TP53I3: variants seen among roughly 807,000 people sequenced by gnomAD.
TP53I3 encodes tumor protein p53 inducible protein 3.
In TP53I3, 32 loss-of-function variants were observed where a neutral mutation model predicts 27.7. That is an observed-to-expected ratio of 1.16 (90% CI 0.87 to 1.55). The LOEUF is 1.55. Ranked by LOEUF, TP53I3 falls within the 40% of genes most tolerant of loss-of-function variation. TP53I3 has a pLI of 0.00. For missense variants in TP53I3, 372 were observed against 412.3 expected, an observed-to-expected ratio of 0.90 and a Z score of 0.85; for synonymous variants, 138 against 167.8, an observed-to-expected ratio of 0.82 and a Z score of 1.37.
rs1665067464 is a variant in TP53I3, at chr2:24,082,894, G to A, written c.397C>T (p.His133Tyr). The change falls in exon 2 of 5, where the codon CAT becomes TAT. Residue 133 changes from histidine (H) to tyrosine (Y), a missense_variant. His to Tyr is a moderately conservative substitution (Grantham distance 83). Coordinates refer to ENST00000238721, the MANE Select transcript of TP53I3 (RefSeq NM_004881.5). ...ATGGAGGCCTCCTCACCCACAAGAT[G>A]TAACAGCTGGAAGGCGGTGAGCCAG... ...EAWLTAFQLLHLVGNVQAGDY... is the reference protein window; with the variant it reads ...EAWLTAFQLLYLVGNVQAGDY... 3 of 1,606,274 alleles carry A rather than the reference G, an allele frequency of 1.9e-6. No homozygotes were observed. Among genetic ancestry groups the A allele is most frequent in the South Asian group, 1.1e-5 (1 of 90,722 alleles).
intron 2 of TP53I3, among the ~76,000 whole-genome samples, chr2:24,081,844 C>A (rs957624161): frequency 2.0e-5 from 3 of 151,924 alleles, no homozygotes; most frequent in African/African-American, 4.8e-5. Flanking sequence ...TACAGGTGCC[C>A]ACCACCACGC....
rs963958745 is a variant in TP53I3, at chr2:24,081,047, C to T, written c.407-16G>A. Reference sequence around the variant, plus strand: ...TGAACATTTCCTGTGACAGAAAGTACAGGGTTCTCTTTACTTTGCAACTGC... The same window carrying T: ...TGAACATTTCCTGTGACAGAAAGTATAGGGTTCTCTTTACTTTGCAACTGC... On this transcript the variant is annotated splice_polypyrimidine_tract_variant and intron_variant, in intron 2 of 4. Coordinates refer to ENST00000238721, the MANE Select transcript of TP53I3 (RefSeq NM_004881.5). 1 of 1,606,490 alleles carries T rather than the reference C, an allele frequency of 6.2e-7. No homozygotes were observed.
rs953014257 is a variant in TP53I3, at chr2:24,084,400, G to GCAGGGCAGGGCAGGA, written c.-75_-74insTCCTGCCCTGCCCTG. The stretch of plus-strand genomic sequence containing the variant: ...GCAGGGCAGGACAGGACAGGGCAGG[G>GCAGGGCAGGGCAGGA]CAGGACAGGACAGGGCAGGGGCCGC... On this transcript the variant is annotated 5_prime_UTR_variant, in exon 1 of 5. Transcript: ENST00000238721. The surrounding 1 kb of genome is among the most constrained non-coding windows in gnomAD (Gnocchi z 8.4). 11 of 1,478,672 alleles carry GCAGGGCAGGGCAGGA rather than the reference G, an allele frequency of 7.4e-6. 1 individual carries two copies. The East Asian group carries it at 1.5e-4, about 20-fold the overall frequency. The allele number at this position is 1,478,672 out of a possible 1,614,324, so 91.6% of individuals were successfully genotyped here. A position where few individuals can be genotyped will look rare whatever the true frequency, so the allele number is the denominator to read the frequency against.
At position 24,077,831 on chromosome 2, in the gene TP53I3, C is replaced by T; in HGVS notation, c.817-70G>A. ...ACCCTGCCCTCCTCATCCTCCTCAG[C>T]CTTCTTGCTCTCTCTGAAGCCACGT... is the stretch of plus-strand genomic sequence containing the variant. On this transcript the variant is annotated intron_variant, in intron 4 of 4. Coordinates refer to ENST00000238721, the MANE Select transcript of TP53I3 (RefSeq NM_004881.5). This position sits in a 1 kb window ranked among gnomAD's most constrained non-coding sequence, Gnocchi z 5.5. The T allele has an allele frequency of 6.6e-7, 1 of 1,520,828 alleles. No homozygotes were observed. Among genetic ancestry groups the T allele is most frequent in the South Asian group, 1.3e-5 (1 of 79,830 alleles). The allele number at this position is 1,520,828 out of a possible 1,614,324, so 94.2% of individuals were successfully genotyped here.
At position 24,079,299 on chromosome 2, in the gene TP53I3, G is replaced by C. The variant is rs189979902; in HGVS notation, c.816+145C>G. On this transcript the variant is annotated intron_variant, in intron 4 of 4. Coordinates refer to ENST00000238721, the MANE Select transcript of TP53I3 (RefSeq NM_004881.5). ...ATCTGAATCAGTTCTCTGAAATCGG[G>C]TTCCCTCTTTATCTTCAGAGGGGGA... is the stretch of plus-strand genomic sequence containing the variant. The C allele has an allele frequency of 1.1e-5, 9 of 796,522 alleles. No homozygotes were observed. The Admixed American group carries it at 2.0e-4, about 18-fold the overall frequency. 49.3% of individuals were successfully genotyped at this position (796,522 alleles called of 1,614,324 possible). A position where few individuals can be genotyped will look rare whatever the true frequency, so the allele number is the denominator to read the frequency against.
chr2:24,080,253 G>C lies in TP53I3; in HGVS notation c.619+566C>G, dbSNP rs372730847. 6.6e-6 allele frequency among the ~76,000 whole-genome samples: 1 copy of C among 151,996 alleles called. No individual in the cohort carries two copies. The highest frequency in any genetic ancestry group is 1.5e-5 in the Non-Finnish European group (1 of 68,010). On this transcript the variant is annotated intron_variant, in intron 3 of 4. Transcript: ENST00000238721. The surrounding 1 kb of genome is among the most constrained non-coding windows in gnomAD (Gnocchi z 4.7). Reference sequence around the variant, plus strand: ...GCCTGTGATCTCAGCTACTCAGGAGGCTAAGGCTGGAGAATCACTTGAACC... The same window carrying C: ...GCCTGTGATCTCAGCTACTCAGGAGCCTAAGGCTGGAGAATCACTTGAACC...
intron 4 of TP53I3, among the ~76,000 whole-genome samples, chr2:24,078,469 C>T (rs1003810846): frequency 7.6e-6 from 1 of 132,450 alleles, no homozygotes; most frequent in Non-Finnish European, 1.6e-5. Context: ...CAGAGTAAGA[C>T]CCTGTCTCCA....
chr2:24,081,750 G>A (rs1307427800), intron 2 of TP53I3, among the ~76,000 whole-genome samples: 6 of 145,962 alleles, frequency 4.1e-5, no homozygotes, highest in Non-Finnish European at 6.0e-5. Context: ...GTGCAGTGGC[G>A]CAATCTTGGC....
intron 2 of TP53I3, 135 bp downstream of exon 2, chr2:24,082,750 A>G (rs1234235796): frequency 1.6e-6 from 2 of 1,239,412 alleles, no homozygotes; most frequent in East Asian, 2.6e-5. Flanking sequence ...CCCTTCTAAC[A>G]TGGTTTGAGG....
intron 2 of TP53I3, 91 bp from the exon 3 acceptor site, chr2:24,081,122 AC>A: frequency 2.0e-6 from 2 of 1,022,554 alleles, no homozygotes. Flanking sequence ...TGGCCGTTGC[AC>A]CAAATGCCAA....
intron 4 of TP53I3, chr2:24,079,205 A>T: frequency 1.9e-6 from 1 of 515,112 alleles, no homozygotes; most frequent in South Asian, 2.8e-5. Flanking sequence ...TCATTCTGTT[A>T]GAATGTTCAG....
At position 24,080,721 on chromosome 2, in the gene TP53I3, G is replaced by T; in HGVS notation, c.619+98C>A. ...GGGCAGCTGTTGTGCACTTAGCAGA[G>T]GTAAGACTGATACACAGCACTGGCA... On this transcript the variant is annotated intron_variant, in intron 3 of 4. Transcript: ENST00000238721. This position sits in a 1 kb window ranked among gnomAD's most constrained non-coding sequence, Gnocchi z 4.7. The T allele has an allele frequency of 6.8e-7, 1 of 1,459,936 alleles. No individual in the cohort carries two copies. The highest frequency in any genetic ancestry group is 9.5e-7 in the Non-Finnish European group (1 of 1,049,532). The allele number at this position is 1,459,936 out of a possible 1,614,324, so 90.4% of individuals were successfully genotyped here. A position where few individuals can be genotyped will look rare whatever the true frequency, so the allele number is the denominator to read the frequency against.
At position 24,077,905 on chromosome 2, in the gene TP53I3, G is replaced by A. The variant is rs1053119550; in HGVS notation, c.817-144C>T. 3.3e-5 allele frequency: 27 copies of A among 809,234 alleles called. No homozygotes were observed. Among genetic ancestry groups the A allele is most frequent in the African/African-American group, 6.9e-5 (4 of 57,988 alleles). The allele number at this position is 809,234 out of a possible 1,614,324, so 50.1% of individuals were successfully genotyped here. A position where few individuals can be genotyped will look rare whatever the true frequency, so the allele number is the denominator to read the frequency against. ...CTTAACCCCTCACTTCCTAGCATGT[G>A]TGTGAAATACCCTTGAAGGAGTCAT... On this transcript the variant is annotated intron_variant, in intron 4 of 4. Coordinates refer to ENST00000238721, the MANE Select transcript of TP53I3 (RefSeq NM_004881.5). The surrounding 1 kb of genome is among the most constrained non-coding windows in gnomAD (Gnocchi z 5.5).
intron 4 of TP53I3, chr2:24,078,813 T>C (rs932531714): frequency 6.6e-6 from 1 of 152,436 alleles, no homozygotes; most frequent in African/African-American, 2.4e-5. Context: ...CAAAACCCTA[T>C]GGTGGAAACA....
chr2:24,078,810 C>T (rs892760629), intron 4 of TP53I3: 1 of 152,486 alleles, frequency 6.6e-6, no homozygotes, highest in Non-Finnish European at 1.5e-5. Flanking sequence ...GTGCAAAACC[C>T]TATGGTGGAA....
In TP53I3 at chr2:24,084,593, G is replaced by C. The variant is rs1044943037; in HGVS notation, c.-267C>G. ...CCCACCCGGAACACAGATGGGAACGGCGGGAAGTGGGATGGCGGTACAGGG... is the reference window on the plus strand; with the variant it reads ...CCCACCCGGAACACAGATGGGAACGCCGGGAAGTGGGATGGCGGTACAGGG... On this transcript the variant is annotated 5_prime_UTR_variant, in exon 1 of 5. Transcript: ENST00000238721. This position sits in a 1 kb window ranked among gnomAD's most constrained non-coding sequence, Gnocchi z 8.4. 2.4e-6 allele frequency: 1 copy of C among 417,078 alleles called. No homozygotes were observed. The highest frequency in any genetic ancestry group is 4.2e-6 in the Non-Finnish European group (1 of 235,546). The allele number at this position is 417,078 out of a possible 1,614,324, so 25.8% of individuals were successfully genotyped here.
At chr2:24,079,316 A>C in intron 4 of TP53I3, 128 bp downstream of exon 4, 1 of 981,758 alleles carries the variant, frequency 1.0e-6, no homozygotes, top group Non-Finnish European at 1.5e-6. Flanking sequence ...CTTTATCTTC[A>C]GAGGGGGAGG....
rs913133346 is a variant in TP53I3 at position 24,079,945 on chromosome 2, A to G, written c.620-305T>C. Among the ~76,000 whole-genome samples the G allele has an allele frequency of 3.3e-5, 5 of 152,240 alleles. No individual in the cohort carries two copies. In the East Asian group the frequency reaches 5.8e-4, roughly 18 times the overall value. On this transcript the variant is annotated intron_variant, in intron 3 of 4. Transcript: ENST00000238721. ...CTGACACCCAGGCACGATTGAGAAC[A>G]GAATACAGGAGGCCCAACCTAGGCT...
Position 24,084,252 on chromosome 2 carries a change from C to T in TP53I3, c.75G>A (p.Pro25=), listed in dbSNP as rs34704159. 26 of 1,614,016 alleles carry T rather than the reference C, an allele frequency of 1.6e-5. No homozygotes were observed. The highest frequency in any genetic ancestry group is 3.3e-5 in the Admixed American group (2 of 60,008). The part of the protein sequence containing the change: ...LYVKEVAKPS[P]GEGEVLLKVA... Reference sequence around the variant, plus strand: ...CCTTCAGGAGGACTTCACCCTCCCCCGGGCTCGGCTTGGCCACCTCCTTCA... The same window carrying T: ...CCTTCAGGAGGACTTCACCCTCCCCTGGGCTCGGCTTGGCCACCTCCTTCA... Residue 25 remains proline (P), a synonymous_variant, in exon 1 of 5, where the codon CCG becomes CCA. Transcript: ENST00000238721. This position sits in a 1 kb window ranked among gnomAD's most constrained non-coding sequence, Gnocchi z 8.4.
Sources: allele counts gnomAD v4.1 joint callset (sites outside exome capture counted in the v4.1 genomes callset), GRCh38; gene constraint gnomAD v4.1.1; non-coding constraint Gnocchi (gnomAD v3.1); transcripts MANE v1.5; gene names NCBI Gene and HGNC (gene_info 2026-07-23, HGNC 2026-07-21).